Variants in CACNA2D3 observed in about 807,000 individuals in gnomAD.
The protein encoded by CACNA2D3 is calcium voltage-gated channel auxiliary subunit alpha2delta 3, also known as voltage-dependent calcium channel subunit alpha-2/delta-3.
In CACNA2D3, 60 loss-of-function variants were observed where a neutral mutation model predicts 160.6. That is an observed-to-expected ratio of 0.37 (90% CI 0.30 to 0.46). The LOEUF (loss-of-function observed/expected upper bound fraction) is 0.46. CACNA2D3 is among the 20% of genes least tolerant of loss of function. The pLI, the probability that CACNA2D3 is intolerant of heterozygous loss-of-function variation, is 1.00. For synonymous variants in CACNA2D3, 558 were observed against 492.9 expected (o/e 1.13, Z -1.75); for missense variants, 1,205 against 1,365.0 (o/e 0.88, Z 1.85).
At chr3:54,285,409 A>G (rs1003714333) in intron 2 of CACNA2D3, among the ~76,000 whole-genome samples, 1 of 152,358 alleles carries the variant, frequency 6.6e-6, no homozygotes, top group Non-Finnish European at 1.5e-5. Flanking sequence ...CCCAGGCTTG[A>G]TTAGGTAAAC....
intron 9 of CACNA2D3, among the ~76,000 whole-genome samples, chr3:54,613,839 T>G (rs1016906584): frequency 4.6e-5 from 7 of 152,194 alleles, no homozygotes; most frequent in African/African-American, 1.7e-4. Flanking sequence ...CAAACACTAT[T>G]TCTCCATCTA....
chr3:54,520,814 C>T (rs1701636830), intron 5 of CACNA2D3, among the ~76,000 whole-genome samples: 2 of 152,132 alleles, frequency 1.3e-5, no homozygotes, highest in African/African-American at 2.4e-5. Context: ...TCTTTCTGTC[C>T]CTATAGATTT....
chr3:54,382,825 CT>C (rs1431267559), intron 3 of CACNA2D3, among the ~76,000 whole-genome samples: 3 of 152,168 alleles, frequency 2.0e-5, no homozygotes, highest in Non-Finnish European at 2.9e-5. Context: ...ACAGTAGAAA[CT>C]TCTGTCCCCA....
chr3:54,266,088 T>G (rs1702511774), intron 2 of CACNA2D3, among the ~76,000 whole-genome samples: 1 of 152,226 alleles, frequency 6.6e-6, no homozygotes, highest in South Asian at 2.1e-4. Context: ...GAAAAAGTTC[T>G]TAGGTCTAGG....
At chr3:54,177,965 A>T (rs747988375) in intron 2 of CACNA2D3, 7 of 152,160 alleles carry the variant, frequency 4.6e-5, no homozygotes, top group South Asian at 2.1e-4. Context: ...CGGATCTGTC[A>T]TCTGTTTCCA....
chr3:54,481,816 T>C (rs1318102927), intron 4 of CACNA2D3, among the ~76,000 whole-genome samples: 2 of 152,232 alleles, frequency 1.3e-5, no homozygotes, highest in Non-Finnish European at 2.9e-5. Context: ...TGTGTTAGTT[T>C]ATATAAATGA....
chr3:54,613,109 G>T (rs1698778063), intron 9 of CACNA2D3, among the ~76,000 whole-genome samples: 1 of 152,178 alleles, frequency 6.6e-6, no homozygotes, highest in African/African-American at 2.4e-5. Context: ...TAGTTGACCT[G>T]TGACTTAACG....
chr3:54,541,169 C>CG (rs1413520745), intron 5 of CACNA2D3, among the ~76,000 whole-genome samples: 2 of 148,812 alleles, frequency 1.3e-5, no homozygotes, highest in African/African-American at 5.0e-5. Context: ...CCCAGCTACT[C>CG]GGGAGGCTGA....
At chr3:54,763,073 G>A (rs1226579364) in intron 12 of CACNA2D3, among the ~76,000 whole-genome samples, 2 of 137,886 alleles carry the variant, frequency 1.5e-5, no homozygotes, top group South Asian at 2.5e-4. Context: ...GGGCGACAGA[G>A]TGAGACTCCA....
chr3:54,770,487 C>T (rs542189133), intron 13 of CACNA2D3, among the ~76,000 whole-genome samples: 6 of 152,196 alleles, frequency 3.9e-5, no homozygotes, highest in African/African-American at 1.4e-4. Flanking sequence ...TTTGCTTCAA[C>T]CTCAAAAACC....
At chr3:54,347,686 C>T (rs115254809) in intron 3 of CACNA2D3, among the ~76,000 whole-genome samples, 1,592 of 152,088 alleles carry the variant, frequency 0.01, 25 homozygotes, top group African/African-American at 0.033. Flanking sequence ...ACCATGGGCT[C>T]CTTCTTCATA....
intron 24 of CACNA2D3, 81 bp from the exon 25 acceptor site, chr3:54,891,274 C>A: frequency 3.5e-6 from 3 of 854,578 alleles, no homozygotes; most frequent in Admixed American, 2.3e-5. Flanking sequence ...TTGGTAAAAA[C>A]ATTCTGTGAG....
At chr3:55,052,247 CTT>C (rs2107207639) in intron 35 of CACNA2D3, among the ~76,000 whole-genome samples, 1 of 152,180 alleles carries the variant, frequency 6.6e-6, no homozygotes, top group African/African-American at 2.4e-5. Context: ...TTTCCGGAAA[CTT>C]TTCTGTTACT....
chr3:54,933,432 C>G (rs1701255185), intron 27 of CACNA2D3, among the ~76,000 whole-genome samples: 1 of 152,182 alleles, frequency 6.6e-6, no homozygotes, highest in Non-Finnish European at 1.5e-5. Context: ...CTCTTCTTGG[C>G]TCTCAGAGCC....
At chr3:55,005,760 A>C (rs1703080679) in intron 32 of CACNA2D3, among the ~76,000 whole-genome samples, 1 of 152,204 alleles carries the variant, frequency 6.6e-6, no homozygotes, top group Admixed American at 6.5e-5. Flanking sequence ...CAATACCTAA[A>C]AACACAGAAA....
chr3:54,609,629 A>T (rs1173516964), intron 9 of CACNA2D3, among the ~76,000 whole-genome samples: 2 of 152,184 alleles, frequency 1.3e-5, no homozygotes, highest in East Asian at 3.8e-4. Context: ...AACAGAGAGG[A>T]GGGGGTTTTG....
chr3:54,934,230 C>T (rs1342531003), intron 27 of CACNA2D3, among the ~76,000 whole-genome samples: 1 of 152,082 alleles, frequency 6.6e-6, no homozygotes, highest in African/African-American at 2.4e-5. Context: ...CATTTTATGC[C>T]CTAAGGTCAT....
intron 11 of CACNA2D3, among the ~76,000 whole-genome samples, chr3:54,744,135 GAT>G (rs1701704368): frequency 6.6e-6 from 1 of 152,152 alleles, no homozygotes; most frequent in Non-Finnish European, 1.5e-5. Context: ...ACTCACTTCT[GAT>G]ATGACTATTC....
chr3:54,830,734 C>T (rs1343200313), intron 14 of CACNA2D3, among the ~76,000 whole-genome samples: 1 of 152,118 alleles, frequency 6.6e-6, no homozygotes, highest in African/African-American at 2.4e-5. Context: ...CACTTGGCCT[C>T]CCAAAGTGCT....
Sources: allele counts gnomAD v4.1 joint callset (sites outside exome capture counted in the v4.1 genomes callset), GRCh38; gene constraint gnomAD v4.1.1; transcripts MANE v1.5; gene names NCBI Gene and HGNC (gene_info 2026-07-23, HGNC 2026-07-21).